Variants in REEP1 observed in about 807,000 individuals in gnomAD.
REEP1 encodes the protein receptor accessory protein 1.
Under a neutral mutation model 40.3 loss-of-function variants are expected in REEP1, and 22 were observed. That is an observed-to-expected ratio of 0.55 (90% CI 0.39 to 0.78). The LOEUF is 0.78. Among genes scored for constraint, REEP1 ranks in the 30% least tolerant of loss-of-function variants. The pLI, the probability that REEP1 is intolerant of heterozygous loss-of-function variation, is 0.00. For missense variants in REEP1, 280 were observed against 361.1 expected (o/e 0.78, Z 1.82); for synonymous variants, 116 against 139.2 (o/e 0.83, Z 1.17).
In REEP1 at chr2:86,239,415, T is replaced by C. The variant is rs117242022; in HGVS notation, c.418-6613A>G. 7.9e-5 allele frequency among the ~76,000 whole-genome samples: 12 copies of C among 152,166 alleles called. 1 individual carries two copies. In the East Asian group the frequency reaches 2.3e-3, roughly 29 times the overall value. On this transcript the variant is annotated intron_variant, in intron 5 of 8. Coordinates refer to ENST00000538924, the MANE Select transcript of REEP1 (RefSeq NM_001371279.1). ...GTTTAGCCCATCTCACTTGACACAA[T>C]ATCTAATGCCTGCTACTGAGGACAA...
chr2:86,257,000 C>A (rs36104799), intron 3 of REEP1, among the ~76,000 whole-genome samples: 13 of 151,990 alleles, frequency 8.6e-5, no homozygotes, highest in Non-Finnish European at 1.8e-4. Context: ...CCAAGGTCTC[C>A]TGGCCCCCTG....
chr2:86,237,036 T>A (rs1423601419), intron 5 of REEP1, among the ~76,000 whole-genome samples: 2 of 152,160 alleles, frequency 1.3e-5, no homozygotes, highest in African/African-American at 4.8e-5. Flanking sequence ...GCCCAGCAGA[T>A]TTTCATCAAT....
rs1558916457 is a variant in REEP1, at chr2:86,288,032, A to ATTTTTTTTTTTTTTTTTTTTTTTTT, written c.33-5791_33-5790insAAAAAAAAAAAAAAAAAAAAAAAAA. 7.7e-4 allele frequency among the ~76,000 whole-genome samples: 116 copies of ATTTTTTTTTTTTTTTTTTTTTTTTT among 149,818 alleles called. 3 individuals are homozygous for ATTTTTTTTTTTTTTTTTTTTTTTTT. Among genetic ancestry groups the ATTTTTTTTTTTTTTTTTTTTTTTTT allele is most frequent in the African/African-American group, 2.7e-3 (108 of 39,438 alleles). On this transcript the variant is annotated intron_variant, in intron 1 of 8. Coordinates refer to ENST00000538924, the MANE Select transcript of REEP1 (RefSeq NM_001371279.1). Reference sequence around the variant, plus strand: ...TAAAATTATTTATTTTATTTTTATTATTTTTTTGAGATGGAGTCTCGCTCC... The same window carrying ATTTTTTTTTTTTTTTTTTTTTTTTT: ...TAAAATTATTTATTTTATTTTTATTATTTTTTTTTTTTTTTTTTTTTTTTTTTTTTTTGAGATGGAGTCTCGCTCC...
At chr2:86,239,208 C>A (rs1214458211) in intron 5 of REEP1, among the ~76,000 whole-genome samples, 5 of 58,356 alleles carry the variant, frequency 8.6e-5, no homozygotes, top group South Asian at 9.8e-4. Flanking sequence ...CCATCTAGAC[C>A]AAAAAAAAAA....
rs911103355 is a variant in REEP1, at chr2:86,227,376, G to A, written c.618C>T (p.Cys206=). 8.1e-7 allele frequency: 1 copy of A among 1,232,324 alleles called. No homozygotes were observed. The highest frequency in any genetic ancestry group is 1.0e-6 in the Non-Finnish European group (1 of 988,114). 76.3% of individuals were successfully genotyped at this position (1,232,324 alleles called of 1,614,324 possible). A position where few individuals can be genotyped will look rare whatever the true frequency, so the allele number is the denominator to read the frequency against. Residue 206 remains cysteine, a synonymous_variant, in exon 7 of 9, where the codon TGC becomes TGT. Coordinates refer to ENST00000538924, the MANE Select transcript of REEP1 (RefSeq NM_001371279.1). ...CTGCTTACTCACCTTTCCAGGTCCT[G>A]CAGGTGGAGCAGCAGGTACACACTG... is the stretch of plus-strand genomic sequence containing the variant. The part of the protein sequence containing the change: ...SSSVCTCCST[C]RTWKVVEGDV...
intron 5 of REEP1, among the ~76,000 whole-genome samples, chr2:86,234,398 G>C (rs1675185850): frequency 6.6e-6 from 1 of 152,050 alleles, no homozygotes; most frequent in Non-Finnish European, 1.5e-5. Context: ...TATGTCTGTA[G>C]TTCCGGCTAC....
intron 5 of REEP1, among the ~76,000 whole-genome samples, chr2:86,239,426 T>C (rs13017143): frequency 0.29 from 44,823 of 152,076 alleles, 7,895 homozygotes; most frequent in Non-Finnish European, 0.4. Context: ...ATCTAATGCC[T>C]GCTACTGAGG....
At chr2:86,323,977 GA>G (rs1326022158) in intron 1 of REEP1, among the ~76,000 whole-genome samples, 4 of 151,696 alleles carry the variant, frequency 2.6e-5, no homozygotes, top group Non-Finnish European at 5.9e-5. Flanking sequence ...AAGAAAAAAA[GA>G]AAAAAAATTA....
At chr2:86,325,524 T>C (rs999044957) in intron 1 of REEP1, among the ~76,000 whole-genome samples, 1 of 152,226 alleles carries the variant, frequency 6.6e-6, no homozygotes, top group African/African-American at 2.4e-5. Flanking sequence ...ATTATTCAAG[T>C]GGGCCCTATT....
intron 1 of REEP1, among the ~76,000 whole-genome samples, chr2:86,289,265 A>G (rs1678569947): frequency 6.6e-6 from 1 of 152,108 alleles, no homozygotes; most frequent in Admixed American, 6.6e-5. Context: ...ATTCTTTTCT[A>G]TATGGATCCC....
chr2:86,223,312 C>T (rs1214491253), intron 7 of REEP1, among the ~76,000 whole-genome samples: 2 of 152,196 alleles, frequency 1.3e-5, no homozygotes, highest in African/African-American at 4.8e-5. Flanking sequence ...CTGGCAGAGC[C>T]TCTCAGCCCT....
intron 6 of REEP1, 111 bp downstream of exon 6, chr2:86,232,514 G>T: frequency 7.7e-7 from 1 of 1,296,600 alleles, no homozygotes; most frequent in Non-Finnish European, 1.1e-6. Context: ...CCCCGTTGGT[G>T]GCAGGTCCGT....
chr2:86,308,418 C>T (rs1410677391), intron 1 of REEP1, among the ~76,000 whole-genome samples: 6 of 152,150 alleles, frequency 3.9e-5, no homozygotes, highest in African/African-American at 1.2e-4. Context: ...TGGTAGTGCA[C>T]GCCTGTAGTC....
intron 1 of REEP1, among the ~76,000 whole-genome samples, chr2:86,282,814 T>G (rs1401171024): frequency 6.6e-6 from 1 of 152,186 alleles, no homozygotes. Flanking sequence ...ACCAGCAATG[T>G]GACACTGTTT....
chr2:86,239,366 G>C (rs547807378), intron 5 of REEP1, among the ~76,000 whole-genome samples: 2 of 152,132 alleles, frequency 1.3e-5, no homozygotes, highest in Non-Finnish European at 2.9e-5. Flanking sequence ...CAAGTCACAG[G>C]GGAAGGCTCC....
At position 86,227,368 on chromosome 2, in the gene REEP1, C is replaced by T; in HGVS notation, c.626G>A (p.Trp209Ter). The T allele has an allele frequency of 8.1e-7, 1 of 1,232,342 alleles. No individual in the cohort carries two copies. Among genetic ancestry groups the T allele is most frequent in the Non-Finnish European group, 1.0e-6 (1 of 988,122 alleles). The allele number at this position is 1,232,342 out of a possible 1,614,324, so 76.3% of individuals were successfully genotyped here. ...VCTCCSTCRT[W>*]KVVEGDVNEG... The stretch of plus-strand genomic sequence containing the variant: ...GAGGCTGGCTGCTTACTCACCTTTC[C>T]AGGTCCTGCAGGTGGAGCAGCAGGT... Residue 209 changes from tryptophan to a stop codon, truncating the protein, a stop_gained, in exon 7 of 9, where the codon TGG becomes TAG. Coordinates refer to ENST00000538924, the MANE Select transcript of REEP1 (RefSeq NM_001371279.1). LOFTEE classifies it high-confidence loss of function.
chr2:86,221,978 G>A (rs543339759), intron 7 of REEP1, among the ~76,000 whole-genome samples: 7 of 152,272 alleles, frequency 4.6e-5, no homozygotes, highest in African/African-American at 1.2e-4. Flanking sequence ...GGTGGGTACC[G>A]GTTCGAGACT....
At chr2:86,239,677 G>C (rs1675567962) in intron 5 of REEP1, among the ~76,000 whole-genome samples, 1 of 152,124 alleles carries the variant, frequency 6.6e-6, no homozygotes. Flanking sequence ...CACAAAATGG[G>C]ATTAACAAAC....
intron 2 of REEP1, among the ~76,000 whole-genome samples, chr2:86,279,725 G>C (rs1432838482): frequency 3.3e-5 from 5 of 152,120 alleles, no homozygotes; most frequent in Non-Finnish European, 1.5e-5. Context: ...GGAAGAGAAA[G>C]GGGCACAAGC....
Sources: allele counts gnomAD v4.1 joint callset (sites outside exome capture counted in the v4.1 genomes callset), GRCh38; gene constraint gnomAD v4.1.1; transcripts MANE v1.5; gene names NCBI Gene and HGNC (gene_info 2026-07-23, HGNC 2026-07-21).